The following MALT1 variants were observed in gnomAD, a reference collection of about 807,000 sequenced individuals.
MALT1 encodes the protein MALT1 paracaspase.
In MALT1, 36 loss-of-function variants were observed where a neutral mutation model predicts 85.5. The observed-to-expected ratio is 0.42, with a 90% CI of 0.32 to 0.56. MALT1 has a LOEUF of 0.56. Among genes scored for constraint, MALT1 ranks in the 20% least tolerant of loss-of-function variants. The pLI, the probability that MALT1 is intolerant of heterozygous loss-of-function variation, is 0.10. For synonymous variants in MALT1, 359 were observed against 361.3 expected (o/e 0.99, Z 0.07); for missense variants, 716 against 981.6 (o/e 0.73, Z 3.62).
intron 4 of MALT1, among the ~76,000 whole-genome samples, chr18:58,702,379 A>G (rs1204769768): frequency 6.6e-6 from 1 of 152,260 alleles, no homozygotes; most frequent in East Asian, 1.9e-4. Flanking sequence ...GCAAGACCCT[A>G]TCTCAAAAAA....
intron 8 of MALT1, 75 bp from the exon 9 acceptor site, chr18:58,715,860 T>C (rs541293720): frequency 7.3e-6 from 7 of 964,122 alleles, no homozygotes; most frequent in South Asian, 2.7e-5. Flanking sequence ...GCTGATGTTA[T>C]ATACTTTTCA....
chr18:58,714,037 A>G (rs771818976), intron 7 of MALT1, 46 bp from the exon 8 acceptor site: 2 of 911,058 alleles, frequency 2.2e-6, no homozygotes, highest in Non-Finnish European at 3.5e-6. Context: ...TTTGTGCTAA[A>G]TTGGTGTTTA....
Position 58,671,676 on chromosome 18 carries a change from G to A in MALT1, c.33G>A (p.Leu11=), listed in dbSNP as rs2054162423. MSLLGDPLQA[L]PPSAAPTGPL... ...TGTTGGGGGACCCGCTACAGGCCCT[G>A]CCGCCCTCGGCCGCCCCCACGGGGC... Residue 11 remains leucine (L), a synonymous_variant, in exon 1 of 17, where the codon CTG becomes CTA. Coordinates refer to ENST00000649217, the MANE Select transcript of MALT1 (RefSeq NM_006785.4). 8.0e-7 allele frequency: 1 copy of A among 1,242,954 alleles called. No homozygotes were observed. The highest frequency in any genetic ancestry group is 1.0e-6 in the Non-Finnish European group (1 of 994,890). 77.0% of individuals were successfully genotyped at this position (1,242,954 alleles called of 1,614,324 possible).
At chr18:58,674,787 G>A (rs2054216612) in intron 1 of MALT1, among the ~76,000 whole-genome samples, 1 of 152,218 alleles carries the variant, frequency 6.6e-6, no homozygotes, top group Admixed American at 6.5e-5. Flanking sequence ...CCACGAGGCT[G>A]TGAAGTGCTT....
intron 2 of MALT1, among the ~76,000 whole-genome samples, chr18:58,689,807 C>T (rs11875147): frequency 0.12 from 18,042 of 152,030 alleles, 1,645 homozygotes; most frequent in African/African-American, 0.26. Context: ...AGTGGGGTGG[C>T]GGTTGCGGGG....
At chr18:58,717,119 T>G (rs2054912409) in intron 9 of MALT1, among the ~76,000 whole-genome samples, 1 of 152,188 alleles carries the variant, frequency 6.6e-6, no homozygotes, top group Non-Finnish European at 1.5e-5. Flanking sequence ...CCCAGCACTT[T>G]GTGAGGCCGA....
intron 4 of MALT1, among the ~76,000 whole-genome samples, chr18:58,702,434 A>G (rs141053598): frequency 6.6e-6 from 1 of 152,086 alleles, no homozygotes; most frequent in East Asian, 1.9e-4. Flanking sequence ...GAAAAATGCT[A>G]TTTCCTGAAG....
intron 15 of MALT1, among the ~76,000 whole-genome samples, 171 bp from the exon 16 acceptor site, chr18:58,745,495 C>T (rs932511371): frequency 7.9e-5 from 12 of 152,066 alleles, no homozygotes; most frequent in Non-Finnish European, 4.4e-5. Flanking sequence ...CTATTATAAC[C>T]ATAGATTGTT....
intron 4 of MALT1, among the ~76,000 whole-genome samples, chr18:58,708,718 A>G (rs1257081082): frequency 6.6e-6 from 1 of 152,226 alleles, no homozygotes; most frequent in African/African-American, 2.4e-5. Context: ...TGTGCATGTA[A>G]TAATATATCT....
At chr18:58,686,906 AT>A (rs755567293) in intron 2 of MALT1, among the ~76,000 whole-genome samples, 1 of 152,242 alleles carries the variant, frequency 6.6e-6, no homozygotes, top group Non-Finnish European at 1.5e-5. Context: ...GGAAAATGAG[AT>A]TTCCAAAAGT....
At chr18:58,709,099 A>C (rs1304236175) in intron 4 of MALT1, among the ~76,000 whole-genome samples, 2 of 152,202 alleles carry the variant, frequency 1.3e-5, no homozygotes, top group East Asian at 3.8e-4. Context: ...TCCTCTCCTT[A>C]ATTGACAATT....
chr18:58,724,819 G>A (rs1176414595), intron 10 of MALT1, among the ~76,000 whole-genome samples: 1 of 151,898 alleles, frequency 6.6e-6, no homozygotes, highest in African/African-American at 2.4e-5. Context: ...GACCAGCCTG[G>A]GCAACATGGC....
At chr18:58,742,533 C>G (rs1024469391) in intron 14 of MALT1, among the ~76,000 whole-genome samples, 5 of 152,034 alleles carry the variant, frequency 3.3e-5, no homozygotes, top group African/African-American at 1.2e-4. Context: ...ATGGCAAAAC[C>G]TCGTCTCTAC....
intron 9 of MALT1, among the ~76,000 whole-genome samples, chr18:58,719,120 A>G (rs1602318812): frequency 6.6e-6 from 1 of 152,208 alleles, no homozygotes; most frequent in African/African-American, 2.4e-5. Context: ...TAAGAACAGC[A>G]TCAGTTTTAT....
rs937727703 is a variant in MALT1, at chr18:58,752,175, T to C, written c.*4333T>C. The C allele has an allele frequency of 9.2e-5, 14 of 152,230 alleles. No individual in the cohort carries two copies. The highest frequency in any genetic ancestry group is 7.9e-4 in the Admixed American group (12 of 15,278). The allele number at this position is 152,230 out of a possible 1,614,324, so 9.4% of individuals were successfully genotyped here. Reference sequence around the variant, plus strand: ...TAAGCTTTTTTTTGTTTGTTTTTAATTTTATTAGAAGTGGGATCTCATTTT... The same window carrying C: ...TAAGCTTTTTTTTGTTTGTTTTTAACTTTATTAGAAGTGGGATCTCATTTT... On this transcript the variant is annotated 3_prime_UTR_variant, in exon 17 of 17. Transcript: ENST00000649217.
chr18:58,688,154 G>T (rs543846072), intron 2 of MALT1, among the ~76,000 whole-genome samples: 2 of 152,272 alleles, frequency 1.3e-5, no homozygotes, highest in East Asian at 3.9e-4. Context: ...GTCGCACAAG[G>T]CTTTGTGGGA....
intron 10 of MALT1, 124 bp from the exon 11 acceptor site, chr18:58,733,273 A>C: frequency 1.6e-6 from 1 of 638,160 alleles, no homozygotes; most frequent in Non-Finnish European, 2.8e-6. Context: ...TATTTCTTAC[A>C]TATGCTCACA....
intron 10 of MALT1, among the ~76,000 whole-genome samples, chr18:58,726,282 A>G (rs2055053274): frequency 6.6e-6 from 1 of 152,228 alleles, no homozygotes. Flanking sequence ...TGGCTGCATT[A>G]TATTTTGAAG....
At chr18:58,739,182 G>C (rs1035180223) in intron 13 of MALT1, among the ~76,000 whole-genome samples, 4 of 151,800 alleles carry the variant, frequency 2.6e-5, no homozygotes, top group African/African-American at 9.7e-5. Flanking sequence ...ACTTTCATTG[G>C]GATGTATATT....
Sources: allele counts gnomAD v4.1 joint callset (sites outside exome capture counted in the v4.1 genomes callset), GRCh38; gene constraint gnomAD v4.1.1; transcripts MANE v1.5; gene names NCBI Gene and HGNC (gene_info 2026-07-23, HGNC 2026-07-21).